Variants in PEAK1 observed in about 807,000 individuals in gnomAD.
PEAK1 encodes the protein inactive tyrosine-protein kinase PEAK1.
A neutral mutation model predicts 124.7 loss-of-function variants in PEAK1; 54 were observed. That is an observed-to-expected ratio of 0.43 (90% CI 0.35 to 0.54). The LOEUF is 0.54. Ranked by LOEUF, PEAK1 falls within the 20% of genes least tolerant of loss-of-function variation. PEAK1 has a pLI of 0.01. For missense variants in PEAK1, 2,046 were observed against 2,134.5 expected, an observed-to-expected ratio of 0.96 and a Z score of 0.82; for synonymous variants, 719 against 760.0, an observed-to-expected ratio of 0.95 and a Z score of 0.89.
rs183796036 is a variant in PEAK1, at chr15:77,268,036, T to C, written c.-274-15510A>G. 4.2e-3 allele frequency among the ~76,000 whole-genome samples: 636 copies of C among 152,262 alleles called. 5 individuals are homozygous for C. The highest frequency in any genetic ancestry group is 0.014 in the African/African-American group (596 of 41,552). On this transcript the variant is annotated intron_variant, in intron 5 of 9. Coordinates refer to ENST00000682557, the MANE Select transcript of PEAK1 (RefSeq NM_001385026.1). ...AAAAACTAATCACAACTTCTGGAAA[T>C]GAAGGGCACACTTAGAGAATTGCAA...
chr15:77,273,700 C>T (rs1263255680), intron 5 of PEAK1, among the ~76,000 whole-genome samples: 1 of 152,138 alleles, frequency 6.6e-6, no homozygotes, highest in African/African-American at 2.4e-5. Context: ...AATGACCATA[C>T]TGCCAAAAGC....
At chr15:77,248,768 T>C (rs1407256980) in intron 6 of PEAK1, among the ~76,000 whole-genome samples, 1 of 152,224 alleles carries the variant, frequency 6.6e-6, no homozygotes, top group African/African-American at 2.4e-5. Flanking sequence ...GTTTCATATA[T>C]AGTAAGCACT....
chr15:77,108,194 G>A lies in PEAK1; in HGVS notation c.*5962C>T, dbSNP rs2050789340. The A allele has an allele frequency of 6.6e-6, 1 of 152,194 alleles. No individual in the cohort carries two copies. Among genetic ancestry groups the A allele is most frequent in the Non-Finnish European group, 1.5e-5 (1 of 68,036 alleles). The allele number at this position is 152,194 out of a possible 1,614,324, so 9.4% of individuals were successfully genotyped here. On this transcript the variant is annotated 3_prime_UTR_variant, in exon 10 of 10. Transcript: ENST00000682557. ...GTATTAAAATGAATTTATTTACACA[G>A]TAACATGATGCCACGGAGTACACAG...
At position 77,323,113 on chromosome 15, in the gene PEAK1, G is replaced by A. The variant is rs572010971; in HGVS notation, c.-602-36609C>T. 3.9e-5 allele frequency among the ~76,000 whole-genome samples: 6 copies of A among 152,202 alleles called. No individual in the cohort carries two copies. The East Asian group carries it at 7.7e-4, about 20-fold the overall frequency. ...CATGCTAAAAACTCTCAATAAATTA[G>A]GTATTGATGGGACGTATCTCAAAAT... is the stretch of plus-strand genomic sequence containing the variant. On this transcript the variant is annotated intron_variant, in intron 2 of 9. Transcript: ENST00000682557.
intron 2 of PEAK1, among the ~76,000 whole-genome samples, chr15:77,322,742 T>C (rs972634273): frequency 7.0e-4 from 106 of 152,112 alleles, no homozygotes; most frequent in African/African-American, 2.4e-3. Flanking sequence ...CTATTCCAAT[T>C]AATAGAAAAA....
intron 6 of PEAK1, among the ~76,000 whole-genome samples, chr15:77,242,541 C>A (rs891366744): frequency 6.6e-6 from 1 of 152,058 alleles, no homozygotes; most frequent in African/African-American, 2.4e-5. Context: ...TAAACTGATG[C>A]GCTATGAAAT....
intron 1 of PEAK1, among the ~76,000 whole-genome samples, chr15:77,397,926 A>G (rs1000449046): frequency 6.6e-6 from 1 of 151,998 alleles, no homozygotes; most frequent in Non-Finnish European, 1.5e-5. Flanking sequence ...TTAGCCAGGC[A>G]TGGTGGCGCA....
chr15:77,158,463 G>T, intron 8 of PEAK1, 40 bp downstream of exon 8: 1 of 1,569,814 alleles, frequency 6.4e-7, no homozygotes, highest in South Asian at 1.1e-5. Context: ...TACAGAAAAA[G>T]GCAAAGTTTA....
At chr15:77,333,905 C>T (rs2066040282) in intron 2 of PEAK1, 4 of 430,664 alleles carry the variant, frequency 9.3e-6, no homozygotes, top group Non-Finnish European at 1.2e-5. Flanking sequence ...AATTTCAGAC[C>T]AATTTTGTTA....
chr15:77,275,725 A>C (rs1480345100), intron 5 of PEAK1, among the ~76,000 whole-genome samples: 1 of 151,794 alleles, frequency 6.6e-6, no homozygotes, highest in Admixed American at 6.6e-5. Context: ...TAAATAAATA[A>C]ATAAAATAAA....
chr15:77,179,089 C>T lies in PEAK1; in HGVS notation c.2838G>A (p.Glu946=). 6.2e-7 allele frequency: 1 copy of T among 1,614,188 alleles called. No homozygotes were observed. The part of the protein sequence containing the change: ...KTDEEDDKEK[E]REKGKLVGLD... ...GGCCCACCAGTTTCCCTTTCTCTCGCTCTTTCTCTTTGTCATCCTCCTCAT... is the reference window on the plus strand; with the variant it reads ...GGCCCACCAGTTTCCCTTTCTCTCGTTCTTTCTCTTTGTCATCCTCCTCAT... The change falls in exon 7 of 10, where the codon GAG becomes GAA. Residue 946 remains glutamate (E), a synonymous_variant. Coordinates refer to ENST00000682557, the MANE Select transcript of PEAK1 (RefSeq NM_001385026.1).
chr15:77,256,996 G>A (rs966350389), intron 5 of PEAK1, among the ~76,000 whole-genome samples: 6 of 151,832 alleles, frequency 4.0e-5, no homozygotes, highest in South Asian at 2.1e-4. Context: ...TTGTCCTTGC[G>A]ATAGTATACT....
intron 1 of PEAK1, chr15:77,417,459 CGGGGGGGGA>C: frequency 2.4e-5 from 9 of 377,610 alleles, no homozygotes; most frequent in South Asian, 1.4e-4. Context: ...GGATGCGGGG[CGGGGGGGGA>C]GGGGGGCAAG....
chr15:77,291,566 T>G (rs543909414), intron 2 of PEAK1, among the ~76,000 whole-genome samples: 1 of 152,320 alleles, frequency 6.6e-6, no homozygotes, highest in Non-Finnish European at 1.5e-5. Context: ...CAATGTCACC[T>G]GTACTCCTTC....
chr15:77,364,669 A>G (rs994402954), intron 2 of PEAK1, among the ~76,000 whole-genome samples: 20 of 152,178 alleles, frequency 1.3e-4, no homozygotes, highest in African/African-American at 4.8e-4. Context: ...CTTTCTGTAA[A>G]AGGGAAGCTT....
At chr15:77,151,914 C>A (rs974916332) in intron 8 of PEAK1, among the ~76,000 whole-genome samples, 1 of 151,836 alleles carries the variant, frequency 6.6e-6, no homozygotes, top group African/African-American at 2.4e-5. Flanking sequence ...GTTACTGTAG[C>A]CTTGTAGTAA....
chr15:77,335,662 T>C (rs568086463), intron 2 of PEAK1: 1 of 698,186 alleles, frequency 1.4e-6, no homozygotes, highest in Non-Finnish European at 1.8e-6. Flanking sequence ...GCTGCTGTTG[T>C]AAAGACAGGG....
chr15:77,179,681 T>C lies in PEAK1; in HGVS notation c.2246A>G (p.Gln749Arg), dbSNP rs1388234799. 1 of 1,614,124 alleles carries C rather than the reference T, an allele frequency of 6.2e-7. No homozygotes were observed. The highest frequency in any genetic ancestry group is 8.5e-7 in the Non-Finnish European group (1 of 1,179,996). Residue 749 changes from glutamine to arginine, a missense_variant, in exon 7 of 10, where the codon CAG (glutamine) becomes CGG (arginine). Physicochemically the swap from Gln to Arg is conservative, Grantham distance 43 (BLOSUM62 1). Coordinates refer to ENST00000682557, the MANE Select transcript of PEAK1 (RefSeq NM_001385026.1). Reference sequence around the variant, plus strand: ...GCTGCTGCCCACCATCTGAGACTCCTGAGTGCCTTCTATTTTGGCCACAGG... The same window carrying C: ...GCTGCTGCCCACCATCTGAGACTCCCGAGTGCCTTCTATTTTGGCCACAGG... ...QEPVAKIEGTQESQMVGSSST... is the reference protein window; with the variant it reads ...QEPVAKIEGTRESQMVGSSST...
intron 6 of PEAK1, among the ~76,000 whole-genome samples, chr15:77,211,451 T>C (rs2058899978): frequency 6.6e-6 from 1 of 152,146 alleles, no homozygotes. Flanking sequence ...GTGAGTTCAA[T>C]TCTGGCTAAA....
Sources: gnomAD v4.1 joint callset for allele counts (sites outside exome capture counted in the v4.1 genomes callset) on GRCh38, gnomAD v4.1.1 for gene constraint, MANE v1.5 for transcripts, NCBI Gene and HGNC (gene_info 2026-07-23, HGNC 2026-07-21) for gene names.